Variants in SNCAIP observed in about 807,000 individuals in gnomAD.
SNCAIP encodes synuclein alpha interacting protein.
SNCAIP carries 43 observed loss-of-function variants against 86.7 expected under a neutral mutation model. That is an observed-to-expected ratio of 0.50 (90% CI 0.39 to 0.64). The LOEUF (loss-of-function observed/expected upper bound fraction) is 0.64. Ranked by LOEUF, SNCAIP falls within the 30% of genes least tolerant of loss-of-function variation. The pLI is 0.00. For synonymous variants in SNCAIP, 417 were observed against 427.2 expected (o/e 0.98, Z 0.29); for missense variants, 981 against 1,103.1 (o/e 0.89, Z 1.57).
At chr5:122,440,790 G>A in intron 7 of SNCAIP, 36 bp downstream of exon 7, 1 of 1,594,480 alleles carries the variant, frequency 6.3e-7, no homozygotes, top group Non-Finnish European at 8.6e-7. Flanking sequence ...TGAGAAATGA[G>A]TATATCAAAT....
At chr5:122,379,956 G>A (rs924878455) in intron 1 of SNCAIP, among the ~76,000 whole-genome samples, 21 of 152,004 alleles carry the variant, frequency 1.4e-4, no homozygotes, top group Non-Finnish European at 2.8e-4. Flanking sequence ...ATTTTATTGA[G>A]GATTTTTGCA....
intron 8 of SNCAIP, among the ~76,000 whole-genome samples, chr5:122,449,488 C>T (rs1306813590): frequency 6.6e-6 from 1 of 151,944 alleles, no homozygotes; most frequent in African/African-American, 2.4e-5. Context: ...TGCTTTATAT[C>T]TACATTATAT....
At chr5:122,425,769 T>C (rs1317178230) in intron 5 of SNCAIP, among the ~76,000 whole-genome samples, 1 of 152,244 alleles carries the variant, frequency 6.6e-6, no homozygotes, top group Non-Finnish European at 1.5e-5. Context: ...ATGTTGTAGT[T>C]CTAACAACTT....
At chr5:122,368,559 C>T (rs1047034826) in intron 1 of SNCAIP, among the ~76,000 whole-genome samples, 3 of 152,154 alleles carry the variant, frequency 2.0e-5, no homozygotes, top group Non-Finnish European at 4.4e-5. Context: ...AGCGACTCAG[C>T]CTTAGTGAAC....
In SNCAIP at chr5:122,386,740, T is replaced by C. The variant is rs146887496; in HGVS notation, c.-46-4349T>C. ...CTCTCTATCAGTTTTCCTACCCAAA[T>C]TGGGAGAGCTGAACCATTGAAAAAT... On this transcript the variant is annotated intron_variant, in intron 1 of 10. Coordinates refer to ENST00000261368, the MANE Select transcript of SNCAIP (RefSeq NM_005460.4). Among the ~76,000 whole-genome samples the C allele has an allele frequency of 2.1e-3, 327 of 152,172 alleles. 3 individuals carry two copies. The highest frequency in any genetic ancestry group is 7.5e-3 in the African/African-American group (310 of 41,504).
At position 122,463,988 on chromosome 5, in the gene SNCAIP, C is replaced by T. The variant is rs1787074894; in HGVS notation, c.*492C>T. 1 of 153,326 alleles carries T rather than the reference C, an allele frequency of 6.5e-6. No individual in the cohort carries two copies. Among genetic ancestry groups the T allele is most frequent in the African/African-American group, 2.4e-5 (1 of 41,476 alleles). 9.5% of individuals were successfully genotyped at this position (153,326 alleles called of 1,614,324 possible). ...TGAGATCAGGTCAGTGGTATTGTTTCTGTCAAGAGTGTTTTTTCTGTCATT... is the reference window on the plus strand; with the variant it reads ...TGAGATCAGGTCAGTGGTATTGTTTTTGTCAAGAGTGTTTTTTCTGTCATT... On this transcript the variant is annotated 3_prime_UTR_variant, in exon 11 of 11. Transcript: ENST00000261368.
At chr5:122,440,828 A>C in intron 7 of SNCAIP, 74 bp downstream of exon 7, 1 of 1,347,984 alleles carries the variant, frequency 7.4e-7, no homozygotes, top group East Asian at 2.3e-5. Flanking sequence ...AATTATGTTC[A>C]CTAGGAGAAT....
rs536425129 is a variant in SNCAIP at position 122,362,084 on chromosome 5, A to G, written c.-46-29005A>G. On this transcript the variant is annotated intron_variant, in intron 1 of 10. Transcript: ENST00000261368. Reference sequence around the variant, plus strand: ...TTTTGCTTATCTAATTAACTGAAATAGTGGAGTCCTTCTGTAATGAGAATA... The same window carrying G: ...TTTTGCTTATCTAATTAACTGAAATGGTGGAGTCCTTCTGTAATGAGAATA... Among the ~76,000 whole-genome samples the G allele has an allele frequency of 3.9e-5, 6 of 152,346 alleles. No homozygotes were observed. In the East Asian group the frequency reaches 1.2e-3, roughly 29 times the overall value.
intron 10 of SNCAIP, among the ~76,000 whole-genome samples, chr5:122,460,799 A>G (rs1048584593): frequency 6.6e-6 from 1 of 152,178 alleles, no homozygotes; most frequent in Non-Finnish European, 1.5e-5. Context: ...AGACCAAACC[A>G]TCTTTTAGCA....
At chr5:122,436,647 T>C (rs1303964496) in intron 6 of SNCAIP, 2 of 152,206 alleles carry the variant, frequency 1.3e-5, no homozygotes, top group Non-Finnish European at 2.9e-5. Context: ...ATTGGTGGCA[T>C]ATTAGATTTG....
intron 3 of SNCAIP, among the ~76,000 whole-genome samples, chr5:122,405,275 A>G (rs10155542): frequency 0.038 from 5,810 of 152,322 alleles, 360 homozygotes; most frequent in African/African-American, 0.13. Flanking sequence ...AATGTTGCCC[A>G]GCTGTCCTTA....
At chr5:122,391,811 G>A (rs1769425421) in intron 2 of SNCAIP, among the ~76,000 whole-genome samples, 1 of 152,162 alleles carries the variant, frequency 6.6e-6, no homozygotes, top group South Asian at 2.1e-4. Context: ...AATCAGGACT[G>A]CTTGGAATGG....
rs115369736 is a variant in SNCAIP at position 122,413,618 on chromosome 5, A to G, written c.131-9250A>G. ...CACCCCTAGTGACATGTGCATAGAG[A>G]CGTTCAATATATATTTGTTGAATGA... On this transcript the variant is annotated intron_variant, in intron 3 of 10. Transcript: ENST00000261368. 4.7e-3 allele frequency among the ~76,000 whole-genome samples: 720 copies of G among 152,258 alleles called. 6 individuals carry two copies. The highest frequency in any genetic ancestry group is 0.017 in the African/African-American group (688 of 41,530).
Position 122,403,823 on chromosome 5 carries a change from G to C in SNCAIP, c.88G>C (p.Glu30Gln), listed in dbSNP as rs183056555. 5.8e-5 allele frequency: 94 copies of C among 1,613,874 alleles called. No homozygotes were observed. In the Admixed American group the frequency reaches 1.1e-3, roughly 18 times the overall value. Residue 30 changes from glutamate (E) to glutamine (Q), a missense_variant, in exon 3 of 11, where the codon GAA (glutamate) becomes CAA (glutamine). Physicochemically the swap from Glu to Gln is conservative, Grantham distance 29. Coordinates refer to ENST00000261368, the MANE Select transcript of SNCAIP (RefSeq NM_005460.4). ...AGTCACATCACTCAAGACGATCCCA[G>C]AACTGTGCCGAAGATGTGATACGCA... ...YSVTSLKTIP[E>Q]LCRRCDTQNE...
intron 3 of SNCAIP, among the ~76,000 whole-genome samples, chr5:122,420,556 A>G (rs551336762): frequency 6.7e-6 from 1 of 148,964 alleles, no homozygotes; most frequent in African/African-American, 2.5e-5. Context: ...ATAAGAGTGT[A>G]TCTCAGAAAT....
chr5:122,432,003 G>C lies in SNCAIP; in HGVS notation c.1217G>C (p.Ser406Thr), dbSNP rs940602568. 6.2e-7 allele frequency: 1 copy of C among 1,605,486 alleles called. No homozygotes were observed. Among genetic ancestry groups the C allele is most frequent in the African/African-American group, 1.3e-5 (1 of 74,700 alleles). The change falls in exon 6 of 11, where the codon AGC becomes ACC. Residue 406 changes from serine (S) to threonine (T), a missense_variant. Transcript: ENST00000261368. ...GQLECVRWMVSETEAIAELSC... is the reference protein window; with the variant it reads ...GQLECVRWMVTETEAIAELSC... ...TTGGAGTGCGTACGCTGGATGGTGAGCGAAACAGAAGCCATTGCAGAACTG... is the reference window on the plus strand; with the variant it reads ...TTGGAGTGCGTACGCTGGATGGTGACCGAAACAGAAGCCATTGCAGAACTG...
At chr5:122,330,185 G>T (rs1754998862) in intron 1 of SNCAIP, among the ~76,000 whole-genome samples, 1 of 144,102 alleles carries the variant, frequency 6.9e-6, no homozygotes, top group Non-Finnish European at 1.5e-5. Context: ...GCAGTGGCGG[G>T]ATCTCGGCTC....
chr5:122,448,701 ATAT>A lies in SNCAIP; in HGVS notation c.1593-1143_1593-1141del. On this transcript the variant is annotated intron_variant, in intron 8 of 10. Transcript: ENST00000261368. The stretch of plus-strand genomic sequence containing the variant: ...ATGTTATATATATATTATATATATT[ATAT>A]ACATATATATAATATATATGTTTTA... 3.6e-5 allele frequency among the ~76,000 whole-genome samples: 5 copies of A among 138,064 alleles called. 1 individual carries two copies. The Admixed American group carries it at 3.9e-4, about 11-fold the overall frequency. The allele number at this position is 138,064 out of a possible 152,430, so 90.6% of individuals were successfully genotyped here.
At chr5:122,426,833 A>G (rs1777465800) in intron 5 of SNCAIP, among the ~76,000 whole-genome samples, 1 of 152,232 alleles carries the variant, frequency 6.6e-6, no homozygotes, top group Non-Finnish European at 1.5e-5. Context: ...GATTTAATAT[A>G]GTTGAGCTTA....
Sources: allele counts gnomAD v4.1 joint callset (sites outside exome capture counted in the v4.1 genomes callset), GRCh38; gene constraint gnomAD v4.1.1; transcripts MANE v1.5; gene names NCBI Gene and HGNC (gene_info 2026-07-23, HGNC 2026-07-21).